MID1: variants seen among roughly 807,000 people sequenced by gnomAD.
MID1 encodes the protein E3 ubiquitin-protein ligase Midline-1.
In MID1, 7 loss-of-function variants were observed where a neutral mutation model predicts 40.4. That is an observed-to-expected ratio of 0.17 (90% CI 0.10 to 0.33). The LOEUF is 0.33. Among genes scored for constraint, MID1 ranks in the 10% least tolerant of loss-of-function variants. MID1 has a pLI of 1.00. For missense variants in MID1, 367 were observed against 558.5 expected (o/e 0.66, Z 3.46); for synonymous variants, 229 against 221.2 (o/e 1.04, Z -0.31).
intron 1 of MID1, among the ~76,000 whole-genome samples, chrX:10,630,585 C>T (rs189810468): frequency 1.8e-5 from 2 of 110,641 alleles, no homozygotes; most frequent in African/African-American, 6.6e-5. Flanking sequence ...GCAGTGTTTG[C>T]AGATCCTGTA....
rs753214386 is a variant in MID1, at chrX:10,636,585, G to A, written c.-186-16166C>T. Among the ~76,000 whole-genome samples, 4 of 108,003 alleles carry A rather than the reference G, an allele frequency of 3.7e-5. No homozygotes were observed. The East Asian group carries it at 1.2e-3, about 31-fold the overall frequency. 93.8% of individuals were successfully genotyped at this position (108,003 alleles called of 115,157 possible). A position where few individuals can be genotyped will look rare whatever the true frequency, so the allele number is the denominator to read the frequency against. The stretch of plus-strand genomic sequence containing the variant: ...AATGTCAAAAGCTCAAGAAGTCAGA[G>A]GCCACCTTACTAGTGTTCTCTTGAC... On this transcript the variant is annotated intron_variant, in intron 1 of 10. Coordinates refer to the MID1 transcript ENST00000380785.
At chrX:10,801,253 C>A (rs574261160) in intron 1 of MID1, among the ~76,000 whole-genome samples, 1 of 111,802 alleles carries the variant, frequency 8.9e-6, no homozygotes, top group African/African-American at 3.2e-5. Flanking sequence ...TACGGATTGA[C>A]CTTTGTGTTC....
intron 1 of MID1, among the ~76,000 whole-genome samples, chrX:10,797,567 C>A (rs761022175): frequency 6.2e-4 from 69 of 111,698 alleles, no homozygotes; most frequent in African/African-American, 2.2e-3. Flanking sequence ...GTGCTCCTCC[C>A]ACTCCACCTA....
chrX:10,652,865 T>G (rs1381809355), intron 1 of MID1, among the ~76,000 whole-genome samples: 1 of 111,681 alleles, frequency 9.0e-6, no homozygotes, highest in Non-Finnish European at 1.9e-5. Flanking sequence ...ATTCTTAACC[T>G]CTCCCAAAAG....
chrX:10,550,965 A>G (rs1430727177), intron 2 of MID1, among the ~76,000 whole-genome samples: 1 of 111,617 alleles, frequency 9.0e-6, no homozygotes, highest in Non-Finnish European at 1.9e-5. Flanking sequence ...CACAAAATAT[A>G]TACAGTCGTC....
intron 1 of MID1, among the ~76,000 whole-genome samples, chrX:10,775,203 T>C (rs1056395643): frequency 6.4e-5 from 7 of 108,787 alleles, no homozygotes; most frequent in Admixed American, 4.0e-4. Context: ...TTATTAAAGG[T>C]CACCAGAAGG....
At chrX:10,816,410 C>T (rs763171073) in intron 1 of MID1, among the ~76,000 whole-genome samples, 6 of 112,119 alleles carry the variant, frequency 5.4e-5, no homozygotes, top group Admixed American at 1.9e-4. Flanking sequence ...GTAATTTCCT[C>T]GGAGGCAGGA....
chrX:10,533,734 C>A (rs766933274), intron 2 of MID1, among the ~76,000 whole-genome samples: 2 of 111,500 alleles, frequency 1.8e-5, no homozygotes, highest in Admixed American at 9.5e-5. Context: ...GGATAAAATG[C>A]AATGATTGAA....
At chrX:10,568,284 T>C (rs1569109073) in intron 1 of MID1, among the ~76,000 whole-genome samples, 1 of 112,142 alleles carries the variant, frequency 8.9e-6, no homozygotes, top group Non-Finnish European at 1.9e-5. Flanking sequence ...ATTATGTTTC[T>C]GAATAATTCT....
chrX:10,826,958 C>T (rs1375175065), intron 1 of MID1, among the ~76,000 whole-genome samples: 2 of 111,622 alleles, frequency 1.8e-5, no homozygotes, highest in Admixed American at 1.9e-4. Context: ...ATCCTTATCC[C>T]TTTCCTTGTC....
Position 10,730,071 on chromosome X carries a change from G to A in MID1, c.-187+103483C>T, listed in dbSNP as rs1463303453. 1.7e-4 allele frequency among the ~76,000 whole-genome samples: 17 copies of A among 102,225 alleles called. No individual in the cohort carries two copies. The East Asian group carries it at 5.1e-3, about 31-fold the overall frequency. 88.8% of individuals were successfully genotyped at this position (102,225 alleles called of 115,157 possible). ...TGCACTCCAGCCTGGGCAACAGAGC[G>A]AGACTCCATCTCAAAAAAAAAAAAA... On this transcript the variant is annotated intron_variant, in intron 1 of 10. Coordinates refer to the MID1 transcript ENST00000380785.
intron 5 of MID1, among the ~76,000 whole-genome samples, chrX:10,476,652 G>A (rs1391956400): frequency 9.0e-6 from 1 of 111,678 alleles, no homozygotes; most frequent in African/African-American, 3.3e-5. Context: ...AATGATACTG[G>A]GATTGAAAGA....
chrX:10,755,335 T>C (rs1218338393), intron 1 of MID1, among the ~76,000 whole-genome samples: 3 of 111,589 alleles, frequency 2.7e-5, no homozygotes, highest in African/African-American at 9.8e-5. Flanking sequence ...TTCCCGTATA[T>C]AGATTTTTTT....
chrX:10,516,603 T>C (rs938380724), intron 3 of MID1, among the ~76,000 whole-genome samples: 1 of 71,979 alleles, frequency 1.4e-5, no homozygotes, highest in Non-Finnish European at 2.7e-5. Flanking sequence ...TGTGTGTGTG[T>C]GTGTGTGCGC....
chrX:10,808,167 C>T (rs981783659), intron 1 of MID1, among the ~76,000 whole-genome samples: 1 of 112,203 alleles, frequency 8.9e-6, no homozygotes, highest in African/African-American at 3.2e-5. Flanking sequence ...AGCTCACAAT[C>T]TCATGTCCAG....
intron 1 of MID1, among the ~76,000 whole-genome samples, chrX:10,811,652 C>G (rs1436826403): frequency 1.8e-5 from 2 of 111,549 alleles, no homozygotes; most frequent in Non-Finnish European, 3.8e-5. Context: ...GATAGTGATT[C>G]TGATGCCCAG....
intron 1 of MID1, among the ~76,000 whole-genome samples, chrX:10,606,322 AT>A (rs1179168239): frequency 9.0e-6 from 1 of 111,428 alleles, no homozygotes; most frequent in Non-Finnish European, 1.9e-5. Flanking sequence ...TAAATACAAA[AT>A]ATATTATTTA....
intron 1 of MID1, among the ~76,000 whole-genome samples, chrX:10,743,083 C>T (rs1168190248): frequency 8.9e-6 from 1 of 112,723 alleles, no homozygotes; most frequent in African/African-American, 3.2e-5. Context: ...CTGACATATT[C>T]GATTACAGTC....
In MID1 at chrX:10,534,749, CA is replaced by C. The variant is rs200368107; in HGVS notation, c.661-11563del. Among the ~76,000 whole-genome samples the C allele has an allele frequency of 6.4e-3, 715 of 111,647 alleles. 5 individuals are homozygous for C. The highest frequency in any genetic ancestry group is 0.022 in the African/African-American group (663 of 30,769). On this transcript the variant is annotated intron_variant, in intron 2 of 9. Coordinates refer to ENST00000317552, the MANE Select transcript of MID1 (RefSeq NM_000381.4). ...CCAAGGGAGGTCACACTCTTTGGCTCAAAAAAATAGATTAAAATTCCATTCC... is the reference window on the plus strand; with the variant it reads ...CCAAGGGAGGTCACACTCTTTGGCTCAAAAAATAGATTAAAATTCCATTCC...
Sources: gnomAD v4.1 joint callset for allele counts (sites outside exome capture counted in the v4.1 genomes callset) on GRCh38, gnomAD v4.1.1 for gene constraint, MANE v1.5 for transcripts, NCBI Gene and HGNC (gene_info 2026-07-23, HGNC 2026-07-21) for gene names.